CNTN5: variants seen among roughly 807,000 people sequenced by gnomAD.
CNTN5 encodes contactin 5.
In CNTN5, 77 loss-of-function variants were observed where a neutral mutation model predicts 129.1. The observed-to-expected ratio is 0.60, with a 90% CI of 0.50 to 0.72. CNTN5 has a LOEUF of 0.72. Ranked by LOEUF, CNTN5 falls within the 30% of genes least tolerant of loss-of-function variation. CNTN5 has a pLI of 0.00. For missense variants in CNTN5, 1,478 were observed against 1,328.8 expected (o/e 1.11, Z -1.75); for synonymous variants, 509 against 465.6 (o/e 1.09, Z -1.20).
At chr11:99,146,913 G>A (rs905483643) in intron 1 of CNTN5, among the ~76,000 whole-genome samples, 3 of 151,938 alleles carry the variant, frequency 2.0e-5, no homozygotes, top group Non-Finnish European at 2.9e-5. Context: ...GTAGGGATGG[G>A]TTTTCACCAT....
chr11:100,165,137 T>G (rs1186561327), intron 13 of CNTN5, among the ~76,000 whole-genome samples: 1 of 151,530 alleles, frequency 6.6e-6, no homozygotes, highest in African/African-American at 2.4e-5. Context: ...AAATAAAAAA[T>G]TAAAGAGGCA....
In CNTN5 at chr11:99,951,334, C is replaced by T. The variant is rs551608654; in HGVS notation, c.674-5472C>T. Among the ~76,000 whole-genome samples, 58 of 151,722 alleles carry T rather than the reference C, an allele frequency of 3.8e-4. 1 individual carries two copies. Among genetic ancestry groups the T allele is most frequent in the African/African-American group, 1.3e-3 (52 of 41,432 alleles). On this transcript the variant is annotated intron_variant, in intron 7 of 24. Coordinates refer to ENST00000524871, the MANE Select transcript of CNTN5 (RefSeq NM_014361.4). The stretch of plus-strand genomic sequence containing the variant: ...CTCTTATGCTAATTTTTTCCCAGCT[C>T]TATCTGATATTTTCATAATATCCTC...
intron 18 of CNTN5, among the ~76,000 whole-genome samples, chr11:100,287,671 C>A (rs928445705): frequency 6.6e-6 from 1 of 151,984 alleles, no homozygotes; most frequent in African/African-American, 2.4e-5. Context: ...ATGTAAAGAC[C>A]TTCGAGACTA....
At chr11:99,782,816 C>A (rs7120983) in intron 3 of CNTN5, among the ~76,000 whole-genome samples, 94,598 of 150,916 alleles carry the variant, frequency 0.63, 29,858 homozygotes, top group Non-Finnish European at 0.64. Flanking sequence ...ACACCTTATA[C>A]AAAAATCAAT....
At chr11:100,336,859 G>A (rs2139003050) in intron 21 of CNTN5, 1 of 488,302 alleles carries the variant, frequency 2.0e-6, no homozygotes, top group East Asian at 4.0e-5. Flanking sequence ...CAATCTAGAT[G>A]TGGAACAGTG....
At chr11:99,309,104 TACA>T (rs1565480496) in intron 1 of CNTN5, among the ~76,000 whole-genome samples, 4 of 152,278 alleles carry the variant, frequency 2.6e-5, no homozygotes, top group South Asian at 4.1e-4. Flanking sequence ...TTCTGCTAAC[TACA>T]ACATCAGGAG....
At chr11:99,718,932 G>A (rs568222689) in intron 3 of CNTN5, among the ~76,000 whole-genome samples, 25 of 152,126 alleles carry the variant, frequency 1.6e-4, no homozygotes, top group African/African-American at 4.8e-4. Context: ...TTCTCCTCAA[G>A]GATTTTCACC....
At chr11:99,044,275 C>T (rs547612548) in intron 1 of CNTN5, among the ~76,000 whole-genome samples, 44 of 152,198 alleles carry the variant, frequency 2.9e-4, no homozygotes, top group Non-Finnish European at 1.2e-4. Flanking sequence ...TTCTATTCTC[C>T]AACTTTGGTA....
chr11:99,072,092 A>G (rs1184995206), intron 1 of CNTN5, among the ~76,000 whole-genome samples: 2 of 152,134 alleles, frequency 1.3e-5, no homozygotes, highest in Non-Finnish European at 2.9e-5. Flanking sequence ...TATGAAGTTG[A>G]ACAATGGCAG....
At chr11:99,792,157 G>A (rs1945767533) in intron 3 of CNTN5, among the ~76,000 whole-genome samples, 1 of 151,960 alleles carries the variant, frequency 6.6e-6, no homozygotes, top group Non-Finnish European at 1.5e-5. Context: ...TGGTGAAAAT[G>A]GTCACTCTTT....
intron 21 of CNTN5, among the ~76,000 whole-genome samples, chr11:100,331,765 T>A (rs1951911937): frequency 6.6e-6 from 1 of 152,098 alleles, no homozygotes; most frequent in Non-Finnish European, 1.5e-5. Flanking sequence ...AAGATGGAAA[T>A]TTAAAAATTC....
chr11:100,260,697 CAT>C (rs1950176881), intron 17 of CNTN5, among the ~76,000 whole-genome samples: 1 of 152,110 alleles, frequency 6.6e-6, no homozygotes, highest in African/African-American at 2.4e-5. Flanking sequence ...ACAAAAACCA[CAT>C]GATTATCTCA....
rs749431434 is a variant in CNTN5 at position 100,018,052 on chromosome 11, T to A, written c.980+15916T>A. On this transcript the variant is annotated intron_variant, in intron 9 of 24. Coordinates refer to ENST00000524871, the MANE Select transcript of CNTN5 (RefSeq NM_014361.4). ...TAATACATTTTCCGTGACTTAAATG[T>A]GTAGAGAAAACACAATATATTAAGT... 3.0e-4 allele frequency among the ~76,000 whole-genome samples: 46 copies of A among 152,118 alleles called. No homozygotes were observed. The Middle Eastern group carries it at 0.01, about 34-fold the overall frequency.
chr11:99,262,758 C>T (rs996083735), intron 1 of CNTN5, among the ~76,000 whole-genome samples: 3 of 151,742 alleles, frequency 2.0e-5, no homozygotes, highest in African/African-American at 7.3e-5. Context: ...TAATTAAAAA[C>T]GTTAAATTGA....
intron 13 of CNTN5, among the ~76,000 whole-genome samples, chr11:100,170,077 C>T (rs1465407458): frequency 6.6e-6 from 1 of 152,000 alleles, no homozygotes; most frequent in Non-Finnish European, 1.5e-5. Context: ...CCATGGAAGG[C>T]ACTCCACAAA....
At chr11:99,954,329 A>G (rs563187345) in intron 7 of CNTN5, among the ~76,000 whole-genome samples, 1 of 149,292 alleles carries the variant, frequency 6.7e-6, no homozygotes, top group African/African-American at 2.5e-5. Context: ...CTTCTAAAAC[A>G]TTTTAGTTGC....
chr11:100,156,552 G>A (rs544785862), intron 13 of CNTN5, among the ~76,000 whole-genome samples: 1 of 152,144 alleles, frequency 6.6e-6, no homozygotes, highest in African/African-American at 2.4e-5. Context: ...TTTTTCTATT[G>A]TTTGGAATAG....
At chr11:99,703,423 A>G (rs1954613566) in intron 3 of CNTN5, among the ~76,000 whole-genome samples, 5 of 150,642 alleles carry the variant, frequency 3.3e-5, no homozygotes. Context: ...TTCATTGCAT[A>G]AATGTTTCTA....
chr11:99,474,762 T>A (rs1945305637), intron 2 of CNTN5, among the ~76,000 whole-genome samples: 1 of 152,184 alleles, frequency 6.6e-6, no homozygotes, highest in Non-Finnish European at 1.5e-5. Flanking sequence ...TCTAATTAAA[T>A]CTATTTTTAG....
Sources: allele counts gnomAD v4.1 joint callset (sites outside exome capture counted in the v4.1 genomes callset), GRCh38; gene constraint gnomAD v4.1.1; transcripts MANE v1.5; gene names NCBI Gene and HGNC (gene_info 2026-07-23, HGNC 2026-07-21).